HDDC2: variants seen among roughly 807,000 people sequenced by gnomAD.
HDDC2 encodes the protein 5'-deoxynucleotidase HDDC2.
HDDC2 carries 25 observed loss-of-function variants against 25.5 expected under a neutral mutation model. The ratio of observed to expected loss-of-function variants is 0.98; its 90% confidence interval spans 0.72 to 1.37. The LOEUF is 1.37. Among genes scored for constraint, HDDC2 ranks in the 40% most tolerant of loss-of-function variants. The probability of loss-of-function intolerance (pLI) is 0.00; values close to 1 mark genes in which losing one functional copy is unlikely to be tolerated. For missense variants in HDDC2, 264 were observed against 253.1 expected (o/e 1.04, Z -0.29); for synonymous variants, 106 against 89.7 (o/e 1.18, Z -1.03).
intron 4 of HDDC2, among the ~76,000 whole-genome samples, chr6:125,287,554 G>A (rs1035449165): frequency 6.6e-6 from 1 of 152,162 alleles, no homozygotes; most frequent in Non-Finnish European, 1.5e-5. Context: ...CTGTTGAGTC[G>A]AGGTTCCTGT....
At chr6:125,279,820 T>C (rs1225011141) in intron 4 of HDDC2, among the ~76,000 whole-genome samples, 1 of 151,996 alleles carries the variant, frequency 6.6e-6, no homozygotes, top group Non-Finnish European at 1.5e-5. Flanking sequence ...CAAAATAACA[T>C]CTCACAGGCA....
At chr6:125,278,583 G>A (rs1032372680) in intron 4 of HDDC2, 1 of 152,112 alleles carries the variant, frequency 6.6e-6, no homozygotes, top group South Asian at 2.1e-4. Context: ...TAATACTACA[G>A]ACAGAACTCT....
intron 4 of HDDC2, among the ~76,000 whole-genome samples, chr6:125,288,020 G>C (rs989486864): frequency 6.6e-6 from 1 of 152,178 alleles, no homozygotes; most frequent in Non-Finnish European, 1.5e-5. Flanking sequence ...AGTAGAGTTG[G>C]GGAGTGCAGC....
At chr6:125,286,338 A>G (rs1798534252) in intron 4 of HDDC2, among the ~76,000 whole-genome samples, 1 of 152,266 alleles carries the variant, frequency 6.6e-6, no homozygotes, top group African/African-American at 2.4e-5. Flanking sequence ...ATTCAAAAAA[A>G]TACAATAACT....
At chr6:125,283,051 C>CTTCT (rs1258673157) in intron 4 of HDDC2, among the ~76,000 whole-genome samples, 8 of 152,110 alleles carry the variant, frequency 5.3e-5, no homozygotes, top group Non-Finnish European at 1.2e-4. Context: ...ATAAACAGAA[C>CTTCT]CAATGACAAA....
At chr6:125,277,629 C>G (rs1394081832) in intron 4 of HDDC2, 1 of 161,302 alleles carries the variant, frequency 6.2e-6, no homozygotes, top group Non-Finnish European at 1.3e-5. Flanking sequence ...CCTCTCAAAC[C>G]TGTATTTCCC....
rs1432764934 is a variant in HDDC2, at chr6:125,292,827, C to G, written c.378+14G>C. On this transcript the variant is annotated intron_variant, in intron 4 of 5. Transcript: ENST00000398153. ...GATACAAATTAAAAACAGTAACGTA[C>G]CATATATACTTACTTCCCAAAGTTC... 6 of 1,595,288 alleles carry G rather than the reference C, an allele frequency of 3.8e-6. No individual in the cohort carries two copies. In the Admixed American group the frequency reaches 8.3e-5, roughly 22 times the overall value.
rs763604455 is a variant in HDDC2, at chr6:125,300,642, G to A, written c.102C>T (p.Gly34=). ...GCCTCTGGACATTTCTGTATACCCA[G>A]CCAGTTCGTGGGACTCTCTGATAAA... is the stretch of plus-strand genomic sequence containing the variant. The part of the protein sequence containing the change: ...VGQLKRVPRT[G]WVYRNVQRPE... The change falls in exon 2 of 6, where the codon GGC becomes GGT. Residue 34 remains glycine, a synonymous_variant. Coordinates refer to ENST00000398153, the MANE Select transcript of HDDC2 (RefSeq NM_016063.3). The A allele has an allele frequency of 2.5e-6, 4 of 1,612,904 alleles. No homozygotes were observed. Among genetic ancestry groups the A allele is most frequent in the Admixed American group, 1.7e-5 (1 of 59,646 alleles).
intron 3 of HDDC2, among the ~76,000 whole-genome samples, chr6:125,294,689 G>A (rs900562368): frequency 6.6e-6 from 1 of 152,126 alleles, no homozygotes; most frequent in Non-Finnish European, 1.5e-5. Context: ...TCTGACAGGA[G>A]ACTATTTTAT....
At chr6:125,276,319 C>T (rs1798369009) in intron 5 of HDDC2, 76 bp from the exon 6 acceptor site, 2 of 1,103,760 alleles carry the variant, frequency 1.8e-6, no homozygotes, top group African/African-American at 3.1e-5. Flanking sequence ...AGCTTGATCC[C>T]AGGGTTCACT....
intron 4 of HDDC2, among the ~76,000 whole-genome samples, chr6:125,284,314 G>A (rs1798501481): frequency 6.6e-6 from 1 of 152,104 alleles, no homozygotes; most frequent in African/African-American, 2.4e-5. Context: ...TTGACAAATG[G>A]GATCTAATTA....
chr6:125,287,972 T>C (rs1420804080), intron 4 of HDDC2, among the ~76,000 whole-genome samples: 1 of 152,112 alleles, frequency 6.6e-6, no homozygotes, highest in East Asian at 1.9e-4. Context: ...GAGCAGTGCC[T>C]GGTGGGCCTG....
chr6:125,301,829 C>T lies in HDDC2; in HGVS notation c.84+20G>A. 6.5e-7 allele frequency: 1 copy of T among 1,533,650 alleles called. No homozygotes were observed. ...GTCCCGCCCGCTCGGCCGCGGCCTC[C>T]CGGCCTGGTGCCCGCTCACCTTGAG... On this transcript the variant is annotated intron_variant, in intron 1 of 5. Transcript: ENST00000398153.
chr6:125,283,307 T>A (rs1226099750), intron 4 of HDDC2, among the ~76,000 whole-genome samples: 1 of 152,204 alleles, frequency 6.6e-6, no homozygotes, highest in Non-Finnish European at 1.5e-5. Flanking sequence ...TATTGGAAGT[T>A]CTGGCCAGGG....
At chr6:125,293,143 TACAAC>T in intron 3 of HDDC2, 1 of 581,884 alleles carries the variant, frequency 1.7e-6, no homozygotes, top group Non-Finnish European at 3.1e-6. Flanking sequence ...TTTTGTGGTC[TACAAC>T]ACAACAGACA....
At chr6:125,277,511 G>C in intron 4 of HDDC2, 1 of 360,480 alleles carries the variant, frequency 2.8e-6, no homozygotes, top group South Asian at 8.2e-5. Flanking sequence ...GTACTTTCAA[G>C]ATCTTTTCTT....
intron 3 of HDDC2, among the ~76,000 whole-genome samples, chr6:125,296,084 T>G (rs1798702149): frequency 6.6e-6 from 1 of 151,936 alleles, no homozygotes; most frequent in Non-Finnish European, 1.5e-5. Flanking sequence ...TCTGTGGGTT[T>G]TGCATTAACG....
chr6:125,298,574 CT>C (rs1224980034), intron 3 of HDDC2, 139 bp downstream of exon 3: 5 of 655,428 alleles, frequency 7.6e-6, no homozygotes, highest in Non-Finnish European at 2.7e-6. Context: ...ATATCTTCCC[CT>C]GACCTTCCCC....
chr6:125,286,603 A>C (rs968126085), intron 4 of HDDC2, among the ~76,000 whole-genome samples: 1 of 152,234 alleles, frequency 6.6e-6, no homozygotes, highest in Non-Finnish European at 1.5e-5. Context: ...TGAATTGAAA[A>C]CATCAGTATG....
Sources: gnomAD v4.1 joint callset for allele counts (sites outside exome capture counted in the v4.1 genomes callset) on GRCh38, gnomAD v4.1.1 for gene constraint, MANE v1.5 for transcripts, NCBI Gene and HGNC (gene_info 2026-07-23, HGNC 2026-07-21) for gene names.